Variants in WWC2 observed in about 807,000 individuals in gnomAD.
The protein encoded by WWC2 is protein WWC2.
A neutral mutation model predicts 138.5 loss-of-function variants in WWC2; 101 were observed. The observed-to-expected ratio is 0.73, with a 90% CI of 0.62 to 0.86. The LOEUF (loss-of-function observed/expected upper bound fraction) is 0.86. WWC2 is among the 40% of genes least tolerant of loss of function. WWC2 has a pLI of 0.00. For synonymous variants in WWC2, 558 were observed against 538.4 expected, an observed-to-expected ratio of 1.04 and a Z score of -0.50; for missense variants, 1,420 against 1,419.4, an observed-to-expected ratio of 1.00 and a Z score of -0.01.
chr4:183,213,500 A>G (rs929132233), intron 4 of WWC2, among the ~76,000 whole-genome samples: 1 of 152,204 alleles, frequency 6.6e-6, no homozygotes, highest in Non-Finnish European at 1.5e-5. Flanking sequence ...TGTTGCAACA[A>G]TATTAGCAGG....
At chr4:183,107,603 G>A (rs1732072565) in intron 1 of WWC2, among the ~76,000 whole-genome samples, 1 of 152,038 alleles carries the variant, frequency 6.6e-6, no homozygotes, top group Non-Finnish European at 1.5e-5. Context: ...TTGCTATTCT[G>A]CCCCCTTTTT....
rs760590403 is a variant in WWC2, at chr4:183,268,963, C to A, written c.2208-8C>A. 1 of 1,606,324 alleles carries A rather than the reference C, an allele frequency of 6.2e-7. No individual in the cohort carries two copies. The highest frequency in any genetic ancestry group is 8.5e-7 in the Non-Finnish European group (1 of 1,177,080). Reference sequence around the variant, plus strand: ...CTATGAAATCCATTTTATTCTTGTTCTTTGCAGATATTTTAGGGTTGCCGT... The same window carrying A: ...CTATGAAATCCATTTTATTCTTGTTATTTGCAGATATTTTAGGGTTGCCGT... On this transcript the variant is annotated splice_region_variant and splice_polypyrimidine_tract_variant and intron_variant, in intron 14 of 22. Coordinates refer to ENST00000403733, the MANE Select transcript of WWC2 (RefSeq NM_024949.6).
intron 21 of WWC2, among the ~76,000 whole-genome samples, chr4:183,309,143 C>T (rs1197191016): frequency 6.6e-6 from 1 of 152,090 alleles, no homozygotes; most frequent in Non-Finnish European, 1.5e-5. Flanking sequence ...TAGAAGTTAC[C>T]CTAGGAGAAA....
chr4:183,226,381 A>G (rs2111276475), intron 4 of WWC2, among the ~76,000 whole-genome samples: 1 of 150,962 alleles, frequency 6.6e-6, no homozygotes, highest in South Asian at 2.1e-4. Flanking sequence ...TACTTTCAGT[A>G]TAATGCATGG....
intron 1 of WWC2, among the ~76,000 whole-genome samples, chr4:183,121,429 C>T (rs1439574913): frequency 6.6e-6 from 1 of 151,796 alleles, no homozygotes; most frequent in Admixed American, 6.6e-5. Flanking sequence ...ATTCATAATG[C>T]TCCAATGAGC....
intron 4 of WWC2, among the ~76,000 whole-genome samples, chr4:183,212,225 AAG>A (rs1735618793): frequency 1.3e-5 from 2 of 152,162 alleles, no homozygotes; most frequent in Middle Eastern, 3.2e-3. Context: ...TTTTTAGAAA[AAG>A]AGTATGAAAA....
At chr4:183,209,310 C>G (rs1735532053) in intron 4 of WWC2, among the ~76,000 whole-genome samples, 1 of 152,138 alleles carries the variant, frequency 6.6e-6, no homozygotes, top group African/African-American at 2.4e-5. Flanking sequence ...GCACTGCAAT[C>G]TCCGCCTCCT....
intron 15 of WWC2, 91 bp from the exon 16 acceptor site, chr4:183,270,989 A>G: frequency 8.5e-7 from 1 of 1,178,288 alleles, no homozygotes; most frequent in Non-Finnish European, 1.1e-6. Flanking sequence ...AGCTCATTCA[A>G]TAATCTTTAT....
At chr4:183,204,485 C>T (rs886371718) in intron 2 of WWC2, among the ~76,000 whole-genome samples, 2 of 152,196 alleles carry the variant, frequency 1.3e-5, no homozygotes, top group Non-Finnish European at 2.9e-5. Context: ...CTAACCAGTG[C>T]TCTTTTCAAC....
rs999005713 is a variant in WWC2 at position 183,317,243 on chromosome 4, A to C, written c.*1514A>C. On this transcript the variant is annotated 3_prime_UTR_variant, in exon 23 of 23. Coordinates refer to ENST00000403733, the MANE Select transcript of WWC2 (RefSeq NM_024949.6). ...ACTAGCAAGAATTTTTATTTTCTTG[A>C]AAGCAATTATATATATTTTGGAAAG... 1 of 152,114 alleles carries C rather than the reference A, an allele frequency of 6.6e-6. No individual in the cohort carries two copies. Among genetic ancestry groups the C allele is most frequent in the African/African-American group, 2.4e-5 (1 of 41,438 alleles). 9.4% of individuals were successfully genotyped at this position (152,114 alleles called of 1,614,324 possible). A position where few individuals can be genotyped will look rare whatever the true frequency, so the allele number is the denominator to read the frequency against.
intron 4 of WWC2, among the ~76,000 whole-genome samples, chr4:183,219,503 A>G (rs1437653193): frequency 6.6e-6 from 1 of 152,236 alleles, no homozygotes; most frequent in Non-Finnish European, 1.5e-5. Flanking sequence ...TACATATTCA[A>G]ATACAAGACT....
rs11451373 is a variant in WWC2 at position 183,290,516 on chromosome 4, CA to C, written c.3384+895del. On this transcript the variant is annotated intron_variant, in intron 21 of 22. Coordinates refer to ENST00000403733, the MANE Select transcript of WWC2 (RefSeq NM_024949.6). ...TGGGCGACAGAGTGAGACTCCATCT[CA>C]AAAAAAAAAAAAACAGTATTTTTAA... Among the ~76,000 whole-genome samples the C allele has an allele frequency of 9.0e-3, 987 of 110,080 alleles. 8 individuals are homozygous for C. The highest frequency in any genetic ancestry group is 0.029 in the African/African-American group (831 of 28,958). 72.2% of individuals were successfully genotyped at this position (110,080 alleles called of 152,430 possible).
At chr4:183,123,886 G>A (rs1225869789) in intron 1 of WWC2, among the ~76,000 whole-genome samples, 3 of 151,928 alleles carry the variant, frequency 2.0e-5, no homozygotes, top group Non-Finnish European at 4.4e-5. Flanking sequence ...GTGAATATTT[G>A]TGAGAGTAGT....
chr4:183,313,774 A>G (rs986671741), intron 22 of WWC2, among the ~76,000 whole-genome samples: 1 of 151,066 alleles, frequency 6.6e-6, no homozygotes, highest in African/African-American at 2.4e-5. Flanking sequence ...GAGAGGTCAG[A>G]GGAGAACCAG....
chr4:183,232,055 C>T (rs1736261311), intron 4 of WWC2, among the ~76,000 whole-genome samples: 1 of 152,142 alleles, frequency 6.6e-6, no homozygotes, highest in African/African-American at 2.4e-5. Flanking sequence ...GACAAAAGAG[C>T]GTGTCGGCCT....
intron 1 of WWC2, among the ~76,000 whole-genome samples, chr4:183,124,137 A>C (rs1042987065): frequency 1.3e-5 from 2 of 152,180 alleles, no homozygotes; most frequent in African/African-American, 4.8e-5. Flanking sequence ...ATACCCAAAC[A>C]GTTCCTGTTA....
chr4:183,319,526 C>G lies in WWC2; in HGVS notation c.*3797C>G. 1 of 1,571,570 alleles carries G rather than the reference C, an allele frequency of 6.4e-7. No homozygotes were observed. The highest frequency in any genetic ancestry group is 8.6e-7 in the Non-Finnish European group (1 of 1,159,090). On this transcript the variant is annotated 3_prime_UTR_variant, in exon 23 of 23. Transcript: ENST00000403733. Reference sequence around the variant, plus strand: ...CAAATCCAGTGTTGAGCAAGCGTCTCCTGAACAGCAGACGCTTGTCCTTTC... The same window carrying G: ...CAAATCCAGTGTTGAGCAAGCGTCTGCTGAACAGCAGACGCTTGTCCTTTC...
chr4:183,284,158 C>T, intron 18 of WWC2, 68 bp from the exon 19 acceptor site: 3 of 1,567,104 alleles, frequency 1.9e-6, no homozygotes, highest in African/African-American at 1.4e-5. Context: ...TTTTTTCTTT[C>T]TTAGAAGAAA....
At chr4:183,154,445 A>C (rs1733738790) in intron 1 of WWC2, among the ~76,000 whole-genome samples, 1 of 152,164 alleles carries the variant, frequency 6.6e-6, no homozygotes, top group African/African-American at 2.4e-5. Flanking sequence ...TCCCCAGGGA[A>C]TATCTCGTGA....
Sources: allele counts gnomAD v4.1 joint callset (sites outside exome capture counted in the v4.1 genomes callset), GRCh38; gene constraint gnomAD v4.1.1; transcripts MANE v1.5; gene names NCBI Gene and HGNC (gene_info 2026-07-23, HGNC 2026-07-21).